Variants in SLC43A1 observed in about 807,000 individuals in gnomAD.
SLC43A1 encodes the protein large neutral amino acids transporter small subunit 3.
A neutral mutation model predicts 59.5 loss-of-function variants in SLC43A1; 31 were observed. The ratio of observed to expected loss-of-function variants is 0.52; its 90% CI spans 0.39 to 0.70. SLC43A1 has a LOEUF of 0.70. SLC43A1 is among the 30% of genes least tolerant of loss of function. SLC43A1 has a pLI of 0.00. For missense variants in SLC43A1, 598 were observed against 717.8 expected, an observed-to-expected ratio of 0.83 and a Z score of 1.91; for synonymous variants, 259 against 290.9, an observed-to-expected ratio of 0.89 and a Z score of 1.12.
intron 2 of SLC43A1, among the ~76,000 whole-genome samples, chr11:57,504,568 T>C (rs1337817827): frequency 6.6e-6 from 1 of 152,268 alleles, no homozygotes; most frequent in African/African-American, 2.4e-5. Context: ...GTGAGTACAA[T>C]GGTCCCCATT....
At chr11:57,512,862 G>A (rs927694927) in intron 2 of SLC43A1, among the ~76,000 whole-genome samples, 1 of 152,092 alleles carries the variant, frequency 6.6e-6, no homozygotes, top group Non-Finnish European at 1.5e-5. Context: ...ACCATGGCTG[G>A]ATGCGGCAGA....
In SLC43A1 at chr11:57,485,066, C is replaced by CT; in HGVS notation, c.*29dup. On this transcript the variant is annotated 3_prime_UTR_variant, in exon 15 of 15. Transcript: ENST00000278426. ...TTTTGGTTGCTCAGGCCTTGATTGC[C>CT]TGTCATCCAGGTCCCTTGGTCTGAG... The CT allele has an allele frequency of 6.3e-7, 1 of 1,591,404 alleles. No homozygotes were observed. The highest frequency in any genetic ancestry group is 8.5e-7 in the Non-Finnish European group (1 of 1,170,426).
chr11:57,506,706 C>CCTTA (rs1554984628), intron 2 of SLC43A1, among the ~76,000 whole-genome samples: 2 of 151,702 alleles, frequency 1.3e-5, no homozygotes, highest in Non-Finnish European at 2.9e-5. Flanking sequence ...TTACTCTGCC[C>CCTTA]TTTACTAGCT....
At chr11:57,488,820 G>A in intron 13 of SLC43A1, 96 bp downstream of exon 13, 1 of 992,672 alleles carries the variant, frequency 1.0e-6, no homozygotes, top group Non-Finnish European at 1.6e-6. Context: ...AGAGAGAGGT[G>A]CATTAGGGGA....
At position 57,509,112 on chromosome 11, in the gene SLC43A1, CA is replaced by C. The variant is rs34394294; in HGVS notation, c.154+4845del. ...GCCTGGGTGACGGAGACTCTGTCTC[CA>C]AAAAAAAAAAGAAACAAAGAAAAAA... is the stretch of plus-strand genomic sequence containing the variant. On this transcript the variant is annotated intron_variant, in intron 2 of 14. Coordinates refer to ENST00000278426, the MANE Select transcript of SLC43A1 (RefSeq NM_003627.6). 6.2e-3 allele frequency among the ~76,000 whole-genome samples: 827 copies of C among 133,358 alleles called. 3 individuals carry two copies. The highest frequency in any genetic ancestry group is 6.8e-3 in the Non-Finnish European group (418 of 61,446). The allele number at this position is 133,358 out of a possible 152,430, so 87.5% of individuals were successfully genotyped here. A position where few individuals can be genotyped will look rare whatever the true frequency, so the allele number is the denominator to read the frequency against.
At chr11:57,512,389 C>G (rs1330461992) in intron 2 of SLC43A1, among the ~76,000 whole-genome samples, 1 of 151,974 alleles carries the variant, frequency 6.6e-6, no homozygotes, top group Non-Finnish European at 1.5e-5. Flanking sequence ...GTCAGGTGTT[C>G]GAGACCAGCC....
At chr11:57,486,338 T>C (rs114261165) in intron 14 of SLC43A1, among the ~76,000 whole-genome samples, 1,957 of 152,178 alleles carry the variant, frequency 0.013, 43 homozygotes, top group African/African-American at 0.045. Context: ...AAAATTTTTT[T>C]TTAAAAAATT....
At chr11:57,508,275 A>AG (rs1180976314) in intron 2 of SLC43A1, among the ~76,000 whole-genome samples, 2 of 151,652 alleles carry the variant, frequency 1.3e-5, no homozygotes, top group Non-Finnish European at 2.9e-5. Flanking sequence ...TCCAAAAAAA[A>AG]AAAAGAAAAG....
chr11:57,501,747 C>G (rs1003138198), intron 2 of SLC43A1, among the ~76,000 whole-genome samples: 25 of 152,174 alleles, frequency 1.6e-4, no homozygotes, highest in Non-Finnish European at 1.5e-5. Context: ...TGCCTGTAAT[C>G]CCACCACTGT....
In SLC43A1 at chr11:57,489,361, G is replaced by T; in HGVS notation, c.1225C>A (p.Arg409Ser). 1 of 1,614,202 alleles carries T rather than the reference G, an allele frequency of 6.2e-7. No individual in the cohort carries two copies. The highest frequency in any genetic ancestry group is 8.5e-7 in the Non-Finnish European group (1 of 1,180,038). Residue 409 changes from arginine to serine, a missense_variant, in exon 12 of 15, where the codon CGC becomes AGC. Physicochemically the swap from Arg to Ser is moderately radical, Grantham distance 110 (BLOSUM62 -1). Transcript: ENST00000278426. The stretch of plus-strand genomic sequence containing the variant: ...GTGAGCTTTTGGATCTTGCAGTAGC[G>T]TGGTCTGATGGATTTGGTAGCAACC... ...DGVATKSIRP[R>S]YCKIQKLTNA...
intron 5 of SLC43A1, among the ~76,000 whole-genome samples, chr11:57,498,089 G>C (rs1944142148): frequency 6.6e-6 from 1 of 152,122 alleles, no homozygotes; most frequent in African/African-American, 2.4e-5. Context: ...TTTAATTCCA[G>C]GTTTCCCAAG....
chr11:57,510,377 G>C (rs765626536), intron 2 of SLC43A1, among the ~76,000 whole-genome samples: 1 of 140,198 alleles, frequency 7.1e-6, no homozygotes, highest in Non-Finnish European at 1.5e-5. Context: ...AGAATCACTT[G>C]AACCTGGGAG....
intron 2 of SLC43A1, 121 bp downstream of exon 2, chr11:57,513,837 A>T: frequency 1.3e-6 from 1 of 763,548 alleles, no homozygotes; most frequent in South Asian, 1.5e-5. Context: ...GAGGTCGAGA[A>T]GTGAGGCTGT....
rs1943691713 is a variant in SLC43A1 at position 57,485,073 on chromosome 11, C to T, written c.*23G>A. On this transcript the variant is annotated 3_prime_UTR_variant, in exon 15 of 15. Transcript: ENST00000278426. ...TGCTCAGGCCTTGATTGCCTGTCAT[C>T]CAGGTCCCTTGGTCTGAGAAGTCTA... is the stretch of plus-strand genomic sequence containing the variant. The T allele has an allele frequency of 6.3e-7, 1 of 1,596,532 alleles. No homozygotes were observed. The highest frequency in any genetic ancestry group is 1.1e-5 in the South Asian group (1 of 88,224).
chr11:57,499,975 C>T (rs551733602), intron 5 of SLC43A1, among the ~76,000 whole-genome samples: 116 of 152,272 alleles, frequency 7.6e-4, no homozygotes, highest in Admixed American at 1.1e-3. Context: ...TTAAAGGCGG[C>T]TGCTGGGGAG....
rs181131146 is a variant in SLC43A1, at chr11:57,489,657, A to C, written c.1194-265T>G. Among the ~76,000 whole-genome samples, 7 of 152,312 alleles carry C rather than the reference A, an allele frequency of 4.6e-5. No individual in the cohort carries two copies. In the East Asian group the frequency reaches 1.4e-3, roughly 29 times the overall value. ...TCACAGGCCTCATCTCGGCCCTCAG[A>C]ATCTCAGCGGGGATATCTGCAAATC... On this transcript the variant is annotated intron_variant, in intron 11 of 14. Coordinates refer to ENST00000278426, the MANE Select transcript of SLC43A1 (RefSeq NM_003627.6).
intron 7 of SLC43A1, 116 bp downstream of exon 7, chr11:57,495,915 T>C (rs143065370): frequency 1.7e-6 from 2 of 1,208,326 alleles, no homozygotes; most frequent in African/African-American, 1.5e-5. Flanking sequence ...GCTCAAGCGA[T>C]TTGCCAAGCA....
intron 5 of SLC43A1, among the ~76,000 whole-genome samples, chr11:57,498,348 G>A (rs903297588): frequency 5.9e-5 from 9 of 152,118 alleles, no homozygotes; most frequent in Admixed American, 2.0e-4. Flanking sequence ...GGCTGAGGCA[G>A]GAGAATCGCT....
intron 8 of SLC43A1, 45 bp from the exon 9 acceptor site, chr11:57,491,907 T>G (rs1565126921): frequency 1.3e-6 from 2 of 1,594,342 alleles, no homozygotes; most frequent in South Asian, 1.1e-5. Flanking sequence ...GACCTTCCAC[T>G]GCCCTCTGAT....
Sources: allele counts gnomAD v4.1 joint callset (sites outside exome capture counted in the v4.1 genomes callset), GRCh38; gene constraint gnomAD v4.1.1; transcripts MANE v1.5; gene names NCBI Gene and HGNC (gene_info 2026-07-23, HGNC 2026-07-21).